The following TIGAR variants were observed in gnomAD, a reference collection of about 807,000 sequenced individuals.
The protein encoded by TIGAR is fructose-2,6-bisphosphatase TIGAR.
In TIGAR, 7 loss-of-function variants were observed where a neutral mutation model predicts 17.9. The ratio of observed to expected loss-of-function variants is 0.39; its 90% CI spans 0.22 to 0.73. TIGAR has a LOEUF of 0.73. TIGAR is among the 30% of genes least tolerant of loss of function. The probability of loss-of-function intolerance (pLI) is 0.42; values close to 1 mark genes in which losing one functional copy is unlikely to be tolerated. For synonymous variants in TIGAR, 94 were observed against 108.6 expected (o/e 0.87, Z 0.84); for missense variants, 258 against 327.4 (o/e 0.79, Z 1.64).
At chr12:4,326,772 A>AT (rs1864550908) in intron 1 of TIGAR, among the ~76,000 whole-genome samples, 10 of 152,202 alleles carry the variant, frequency 6.6e-5, no homozygotes, top group Admixed American at 6.5e-4. Context: ...ATCTACTTTG[A>AT]TTAAATAAAA....
intron 3 of TIGAR, among the ~76,000 whole-genome samples, chr12:4,345,917 AAAAC>A (rs1421054762): frequency 1.3e-5 from 2 of 151,804 alleles, no homozygotes; most frequent in African/African-American, 4.8e-5. Flanking sequence ...TTGCAAGAAA[AAAAC>A]AACCCCATCA....
Position 4,358,604 on chromosome 12 carries a change from T to C in TIGAR, c.*5913T>C, listed in dbSNP as rs1200481163. ...AATGTGTGTTTCCTGAGATCAACAA[T>C]GTTCTTATATATAACCCAGAATAAA... On this transcript the variant is annotated 3_prime_UTR_variant, in exon 6 of 6. Coordinates refer to ENST00000179259, the MANE Select transcript of TIGAR (RefSeq NM_020375.3). Among the ~76,000 whole-genome samples the C allele has an allele frequency of 4.0e-5, 6 of 151,138 alleles. No individual in the cohort carries two copies. Among genetic ancestry groups the C allele is most frequent in the African/African-American group, 1.5e-4 (6 of 40,664 alleles).
chr12:4,343,519 T>A (rs1864747722), intron 3 of TIGAR, among the ~76,000 whole-genome samples: 1 of 152,132 alleles, frequency 6.6e-6, no homozygotes, highest in Non-Finnish European at 1.5e-5. Flanking sequence ...AGAACAGAAA[T>A]TATAACAAAC....
intron 3 of TIGAR, among the ~76,000 whole-genome samples, chr12:4,346,230 A>G (rs574422916): frequency 6.6e-6 from 1 of 152,344 alleles, no homozygotes; most frequent in Non-Finnish European, 1.5e-5. Flanking sequence ...TAGAAATACC[A>G]TTTGACCCAG....
chr12:4,351,801 G>A (rs1047875538), intron 5 of TIGAR, among the ~76,000 whole-genome samples: 6 of 152,132 alleles, frequency 3.9e-5, no homozygotes, highest in East Asian at 1.9e-4. Flanking sequence ...TTGCATATTG[G>A]TGATTCCCCC....
Position 4,358,614 on chromosome 12 carries a change from T to C in TIGAR, c.*5923T>C, listed in dbSNP as rs551998285. On this transcript the variant is annotated 3_prime_UTR_variant, in exon 6 of 6. Transcript: ENST00000179259. Reference sequence around the variant, plus strand: ...TCCTGAGATCAACAATGTTCTTATATATAACCCAGAATAAATATCTGAGTC... The same window carrying C: ...TCCTGAGATCAACAATGTTCTTATACATAACCCAGAATAAATATCTGAGTC... 1.3e-5 allele frequency among the ~76,000 whole-genome samples: 2 copies of C among 150,122 alleles called. No individual in the cohort carries two copies. Among genetic ancestry groups the C allele is most frequent in the African/African-American group, 5.0e-5 (2 of 40,008 alleles).
At position 4,321,331 on chromosome 12, in the gene TIGAR, TC is replaced by T; in HGVS notation, c.32+29del. The T allele has an allele frequency of 6.3e-7, 1 of 1,597,752 alleles. No individual in the cohort carries two copies. The highest frequency in any genetic ancestry group is 8.5e-7 in the Non-Finnish European group (1 of 1,178,082). On this transcript the variant is annotated intron_variant, in intron 1 of 5. Coordinates refer to ENST00000179259, the MANE Select transcript of TIGAR (RefSeq NM_020375.3). The surrounding 1 kb of genome is among the most constrained non-coding windows in gnomAD (Gnocchi z 5.2). ...GAGTATGGCTGTGGCAGGATGTCTTTCTCTCTCTCTTCCTTGAGTGTGTTGG... is the reference window on the plus strand; with the variant it reads ...GAGTATGGCTGTGGCAGGATGTCTTTTCTCTCTCTTCCTTGAGTGTGTTGG...
intron 1 of TIGAR, among the ~76,000 whole-genome samples, chr12:4,329,873 T>C (rs1864586221): frequency 6.6e-6 from 1 of 152,066 alleles, no homozygotes; most frequent in African/African-American, 2.4e-5. Flanking sequence ...GACACAGAGC[T>C]AAAAAGTCAA....
intron 2 of TIGAR, among the ~76,000 whole-genome samples, chr12:4,331,738 C>A (rs1409247922): frequency 1.3e-5 from 2 of 152,086 alleles, no homozygotes; most frequent in African/African-American, 4.8e-5. Context: ...AAAAAAAGAA[C>A]TATTTTCACA....
In TIGAR at chr12:4,357,828, G is replaced by A. The variant is rs1163250550; in HGVS notation, c.*5137G>A. Among the ~76,000 whole-genome samples, 1 of 152,214 alleles carries A rather than the reference G, an allele frequency of 6.6e-6. No individual in the cohort carries two copies. Among genetic ancestry groups the A allele is most frequent in the East Asian group, 1.9e-4 (1 of 5,196 alleles). On this transcript the variant is annotated 3_prime_UTR_variant, in exon 6 of 6. Coordinates refer to ENST00000179259, the MANE Select transcript of TIGAR (RefSeq NM_020375.3). ...ACCAAGCAATCGCTGAGGTGGCTGG[G>A]CGTGGTGGCTCGCACCTGTAATCCC...
In TIGAR at chr12:4,356,400, GAATTTTTTAAGAGACTT is replaced by G. The variant is rs537244203; in HGVS notation, c.*3724_*3740del. 2.6e-5 allele frequency among the ~76,000 whole-genome samples: 4 copies of G among 152,110 alleles called. No individual in the cohort carries two copies. Among genetic ancestry groups the G allele is most frequent in the Admixed American group, 1.3e-4 (2 of 15,276 alleles). ...GGTTTTTGATTGTTTTTTAACAAAT[GAATTTTTTAAGAGACTT>G]AATTTTTTAAGAGAAACTTTAATTT... On this transcript the variant is annotated 3_prime_UTR_variant, in exon 6 of 6. Transcript: ENST00000179259.
At chr12:4,336,820 G>C (rs1864664629) in intron 2 of TIGAR, among the ~76,000 whole-genome samples, 1 of 152,116 alleles carries the variant, frequency 6.6e-6, no homozygotes, top group Admixed American at 6.6e-5. Context: ...ATTCCCATTA[G>C]GCAAGCATTC....
Position 4,321,300 on chromosome 12 carries a change from G to T in TIGAR, c.29G>T (p.Arg10Leu). Residue 10 changes from arginine (R) to leucine (L), a missense_variant, in exon 1 of 6, where the codon CGG becomes CTG. Transcript: ENST00000179259. The surrounding 1 kb of genome is among the most constrained non-coding windows in gnomAD (Gnocchi z 5.2). The part of the protein sequence containing the change: MARFALTVV[R>L]HGETRFNKEK... Reference sequence around the variant, plus strand: ...GCTCGCTTCGCTCTGACTGTTGTCCGGCAGTGAGTATGGCTGTGGCAGGAT... The same window carrying T: ...GCTCGCTTCGCTCTGACTGTTGTCCTGCAGTGAGTATGGCTGTGGCAGGAT... 1 of 1,601,332 alleles carries T rather than the reference G, an allele frequency of 6.2e-7. No individual in the cohort carries two copies. Among genetic ancestry groups the T allele is most frequent in the South Asian group, 1.1e-5 (1 of 91,078 alleles).
chr12:4,346,904 C>T (rs564824842), intron 3 of TIGAR, among the ~76,000 whole-genome samples: 4 of 152,076 alleles, frequency 2.6e-5, no homozygotes, highest in Admixed American at 2.6e-4. Context: ...ATAACACATG[C>T]AGGCAAGGCC....
chr12:4,328,765 C>T (rs1277153135), intron 1 of TIGAR, among the ~76,000 whole-genome samples: 4 of 151,638 alleles, frequency 2.6e-5, no homozygotes, highest in African/African-American at 9.7e-5. Context: ...TTATCAGAGA[C>T]GGAGTTTCAC....
In TIGAR at chr12:4,353,788, C is replaced by CAT. The variant is rs1458827812; in HGVS notation, c.*1097_*1098insAT. On this transcript the variant is annotated 3_prime_UTR_variant, in exon 6 of 6. Transcript: ENST00000179259. ...GGTGGAGGTTGCAGTGAGCCGAGAT[C>CAT]GCACCACTTCACTCCAGCCTAGGTG... 6.6e-6 allele frequency: 1 copy of CAT among 151,904 alleles called. No individual in the cohort carries two copies. Among genetic ancestry groups the CAT allele is most frequent in the Non-Finnish European group, 1.5e-5 (1 of 68,076 alleles). The allele number at this position is 151,904 out of a possible 1,614,324, so 9.4% of individuals were successfully genotyped here.
At position 4,334,089 on chromosome 12, in the gene TIGAR, C is replaced by T. The variant is rs533711635; in HGVS notation, c.70+2772C>T. 3.3e-5 allele frequency among the ~76,000 whole-genome samples: 5 copies of T among 152,076 alleles called. No individual in the cohort carries two copies. In the South Asian group the frequency reaches 1.0e-3, roughly 32 times the overall value. On this transcript the variant is annotated intron_variant, in intron 2 of 5. Transcript: ENST00000179259. The stretch of plus-strand genomic sequence containing the variant: ...CCACACTTTCTTACTTTCCCCACTA[C>T]CTTTCAAATGATGTACCATTTCCAT...
Position 4,321,215 on chromosome 12 carries a change from C to G in TIGAR, c.-57C>G. 6.3e-7 allele frequency: 1 copy of G among 1,596,520 alleles called. No homozygotes were observed. ...GGCGGAAGTGGTGTGGGGGAGGTAG[C>G]CCGCAGTGCAGGGGCAGCGCGGCGC... On this transcript the variant is annotated 5_prime_UTR_variant, in exon 1 of 6. Coordinates refer to ENST00000179259, the MANE Select transcript of TIGAR (RefSeq NM_020375.3). The surrounding 1 kb of genome is among the most constrained non-coding windows in gnomAD (Gnocchi z 5.2).
At chr12:4,345,218 G>A (rs1270035062) in intron 3 of TIGAR, among the ~76,000 whole-genome samples, 3 of 151,970 alleles carry the variant, frequency 2.0e-5, no homozygotes, top group Admixed American at 6.6e-5. Flanking sequence ...CATCCCCTTC[G>A]AGCTACCAAT....
Sources: allele counts gnomAD v4.1 joint callset (sites outside exome capture counted in the v4.1 genomes callset), GRCh38; gene constraint gnomAD v4.1.1; non-coding constraint Gnocchi (gnomAD v3.1); transcripts MANE v1.5; gene names NCBI Gene and HGNC (gene_info 2026-07-23, HGNC 2026-07-21).